HACE1: variants seen among roughly 807,000 people sequenced by gnomAD.
HACE1 encodes the protein HECT domain and ankyrin repeat containing E3 ubiquitin protein ligase 1, also known as E3 ubiquitin-protein ligase HACE1.
In HACE1, 73 loss-of-function variants were observed where a neutral mutation model predicts 118.4. That is an observed-to-expected ratio of 0.62 (90% CI 0.51 to 0.75). The LOEUF is 0.75. HACE1 is among the 30% of genes least tolerant of loss of function. The pLI is 0.00. For synonymous variants in HACE1, 368 were observed against 374.8 expected (o/e 0.98, Z 0.21); for missense variants, 749 against 1,102.2 (o/e 0.68, Z 4.54).
intron 7 of HACE1, among the ~76,000 whole-genome samples, chr6:104,797,386 C>G (rs1769775089): frequency 6.6e-6 from 1 of 151,506 alleles, no homozygotes; most frequent in Non-Finnish European, 1.5e-5. Flanking sequence ...TTTAGCCTGA[C>G]CTTCTTCCTA....
intron 6 of HACE1, among the ~76,000 whole-genome samples, chr6:104,832,063 ACTGT>A (rs1260024293): frequency 1.3e-5 from 2 of 151,904 alleles, no homozygotes; most frequent in Non-Finnish European, 2.9e-5. Flanking sequence ...AAAAGAAAGA[ACTGT>A]TACTTGTACC....
intron 4 of HACE1, among the ~76,000 whole-genome samples, chr6:104,848,849 A>G (rs1358361379): frequency 6.6e-6 from 1 of 152,212 alleles, no homozygotes; most frequent in African/African-American, 2.4e-5. Context: ...GTAATAATGA[A>G]CTTCCACATA....
chr6:104,758,499 TGA>T (rs1322384390), intron 19 of HACE1, among the ~76,000 whole-genome samples: 1 of 152,180 alleles, frequency 6.6e-6, no homozygotes, highest in Non-Finnish European at 1.5e-5. Context: ...AAGCAAATGC[TGA>T]GAGACTTTGT....
At chr6:104,806,318 T>A (rs1350496068) in intron 7 of HACE1, among the ~76,000 whole-genome samples, 1 of 152,034 alleles carries the variant, frequency 6.6e-6, no homozygotes, top group East Asian at 1.9e-4. Context: ...AAAAATTAGT[T>A]CAGTATGGTG....
chr6:104,796,858 AAAT>A (rs1465093682), intron 8 of HACE1, 68 bp downstream of exon 8: 3 of 1,146,674 alleles, frequency 2.6e-6, no homozygotes, highest in East Asian at 2.4e-5. Context: ...TTCATTGAAA[AAAT>A]AATAATTTTT....
intron 20 of HACE1, among the ~76,000 whole-genome samples, chr6:104,746,614 C>T (rs1222026718): frequency 6.6e-6 from 1 of 152,226 alleles, no homozygotes; most frequent in Non-Finnish European, 1.5e-5. Flanking sequence ...AGTAATTCCT[C>T]TACCTGTCTC....
intron 5 of HACE1, among the ~76,000 whole-genome samples, chr6:104,839,201 A>G (rs1468793886): frequency 2.0e-5 from 3 of 152,212 alleles, no homozygotes; most frequent in African/African-American, 7.2e-5. Flanking sequence ...ATTCCTGGAC[A>G]TTTATCCCAA....
intron 23 of HACE1, 68 bp downstream of exon 23, chr6:104,730,235 A>T: frequency 1.2e-6 from 1 of 828,634 alleles, no homozygotes; most frequent in Non-Finnish European, 2.1e-6. Context: ...AGCAACAGTT[A>T]GATCTCTGAT....
chr6:104,829,764 T>C (rs1388668855), intron 6 of HACE1, among the ~76,000 whole-genome samples: 1 of 152,126 alleles, frequency 6.6e-6, no homozygotes, highest in Non-Finnish European at 1.5e-5. Flanking sequence ...GTCTGCAAAA[T>C]CTCATTCTGT....
In HACE1 at chr6:104,825,790, T is replaced by C. The variant is rs529897420; in HGVS notation, c.534+7252A>G. On this transcript the variant is annotated intron_variant, in intron 6 of 23. Coordinates refer to ENST00000262903, the MANE Select transcript of HACE1 (RefSeq NM_020771.4). ...AGTATACTTTTGTTTTCAATAAATA[T>C]CTGCTTTTGCTGCTTCATTACTTGT... Among the ~76,000 whole-genome samples the C allele has an allele frequency of 4.1e-3, 631 of 152,318 alleles. 3 individuals are homozygous for C. Among genetic ancestry groups the C allele is most frequent in the African/African-American group, 0.014 (588 of 41,560 alleles).
rs547440010 is a variant in HACE1 at position 104,822,190 on chromosome 6, A to T, written c.535-10797T>A. 1.2e-3 allele frequency among the ~76,000 whole-genome samples: 163 copies of T among 137,984 alleles called. 1 individual carries two copies. Among genetic ancestry groups the T allele is most frequent in the African/African-American group, 4.4e-3 (156 of 35,220 alleles). 90.5% of individuals were successfully genotyped at this position (137,984 alleles called of 152,430 possible). ...AAGACCAGGAGATCAACACGGTGAA[A>T]CCCCGTCTCTACTAAAAAAAAAAAA... On this transcript the variant is annotated intron_variant, in intron 6 of 23. Coordinates refer to ENST00000262903, the MANE Select transcript of HACE1 (RefSeq NM_020771.4).
At chr6:104,767,706 G>C (rs1477823670) in intron 19 of HACE1, among the ~76,000 whole-genome samples, 1 of 151,998 alleles carries the variant, frequency 6.6e-6, no homozygotes, top group Non-Finnish European at 1.5e-5. Context: ...TTCCATCTAA[G>C]CTAAGCTCCA....
At chr6:104,802,033 CAAAAAA>C (rs533831848) in intron 7 of HACE1, among the ~76,000 whole-genome samples, 1 of 58,772 alleles carries the variant, frequency 1.7e-5, no homozygotes. Context: ...AACGAAAAGC[CAAAAAA>C]AAAAAAAAAA....
At chr6:104,824,783 T>C (rs142052305) in intron 6 of HACE1, 1 of 151,484 alleles carries the variant, frequency 6.6e-6, no homozygotes, top group Non-Finnish European at 1.5e-5. Context: ...CATTTAGAAA[T>C]GCAAAGAAGG....
intron 4 of HACE1, among the ~76,000 whole-genome samples, chr6:104,846,837 C>T (rs1337875801): frequency 3.9e-5 from 6 of 152,156 alleles, no homozygotes; most frequent in African/African-American, 1.2e-4. Flanking sequence ...CTAAGTTGTA[C>T]AAGGCTTCCA....
At chr6:104,833,955 AGC>A (rs1774267455) in intron 5 of HACE1, among the ~76,000 whole-genome samples, 1 of 152,118 alleles carries the variant, frequency 6.6e-6, no homozygotes. Context: ...ACTGCACTCC[AGC>A]CTGTCAACAC....
In HACE1 at chr6:104,744,620, A is replaced by G. The variant is rs756833997; in HGVS notation, c.2344-10T>C. The G allele has an allele frequency of 6.9e-6, 10 of 1,455,702 alleles. No homozygotes were observed. Among genetic ancestry groups the G allele is most frequent in the South Asian group, 1.1e-5 (1 of 87,582 alleles). The allele number at this position is 1,455,702 out of a possible 1,614,324, so 90.2% of individuals were successfully genotyped here. A position where few individuals can be genotyped will look rare whatever the true frequency, so the allele number is the denominator to read the frequency against. ...CAGAAAGCAGTAGCTCCTTGGGGGA[A>G]GAAGAAAAATATTTCAATAATTTTC... On this transcript the variant is annotated splice_polypyrimidine_tract_variant and intron_variant, in intron 20 of 23. Transcript: ENST00000262903.
intron 17 of HACE1, among the ~76,000 whole-genome samples, chr6:104,772,739 CCAATTACTAT>C (rs1780774053): frequency 6.6e-6 from 1 of 152,010 alleles, no homozygotes; most frequent in Non-Finnish European, 1.5e-5. Context: ...CAATAAGTTA[CCAATTACTAT>C]GAAAATCCAG....
chr6:104,843,423 T>C (rs1048711066), intron 4 of HACE1, 125 bp from the exon 5 acceptor site: 4 of 696,768 alleles, frequency 5.7e-6, no homozygotes, highest in Middle Eastern at 3.8e-4. Flanking sequence ...TTATCTGTAA[T>C]ATCAAGCCAT....
Sources: allele counts gnomAD v4.1 joint callset (sites outside exome capture counted in the v4.1 genomes callset), GRCh38; gene constraint gnomAD v4.1.1; transcripts MANE v1.5; gene names NCBI Gene and HGNC (gene_info 2026-07-23, HGNC 2026-07-21).